Variants in SGCG observed in about 807,000 individuals in gnomAD.
SGCG encodes sarcoglycan gamma.
Under a neutral mutation model 29.3 loss-of-function variants are expected in SGCG, and 26 were observed. That is an observed-to-expected ratio of 0.89 (90% CI 0.65 to 1.23). The LOEUF (loss-of-function observed/expected upper bound fraction) is 1.23, where lower values mean the gene tolerates loss of function less well. Ranked by LOEUF, SGCG falls within the 50% of genes most tolerant of loss-of-function variation. SGCG has a pLI of 0.00. For missense variants in SGCG, 353 were observed against 356.0 expected, an observed-to-expected ratio of 0.99 and a Z score of 0.07; for synonymous variants, 145 against 129.7, an observed-to-expected ratio of 1.12 and a Z score of -0.80.
chr13:23,192,952 T>G (rs558553710), intron 1 of SGCG, among the ~76,000 whole-genome samples: 1 of 152,182 alleles, frequency 6.6e-6, no homozygotes, highest in Admixed American at 6.5e-5. Context: ...TTCCTGGAGG[T>G]GAGTCTAATG....
chr13:23,211,487 C>T (rs182461867), intron 2 of SGCG, among the ~76,000 whole-genome samples: 97 of 151,968 alleles, frequency 6.4e-4, no homozygotes, highest in Admixed American at 1.3e-3. Context: ...CTTGACCCCC[C>T]CTTTCACCAT....
chr13:23,245,672 A>C (rs1429531612), intron 3 of SGCG: 2 of 152,218 alleles, frequency 1.3e-5, no homozygotes, highest in South Asian at 4.1e-4. Context: ...CTCCGCCTTT[A>C]AATTTTCTGG....
At chr13:23,243,067 T>A (rs74038007) in intron 3 of SGCG, among the ~76,000 whole-genome samples, 1 of 152,326 alleles carries the variant, frequency 6.6e-6, no homozygotes, top group African/African-American at 2.4e-5. Flanking sequence ...AGAGGTTTCA[T>A]TATAGCAGTT....
At chr13:23,205,644 T>C (rs1877957145) in intron 2 of SGCG, among the ~76,000 whole-genome samples, 1 of 152,202 alleles carries the variant, frequency 6.6e-6, no homozygotes, top group African/African-American at 2.4e-5. Context: ...TGAGGTATTA[T>C]AAATTTGGAT....
At chr13:23,285,974 T>G (rs1283669224) in intron 5 of SGCG, among the ~76,000 whole-genome samples, 1 of 152,146 alleles carries the variant, frequency 6.6e-6, no homozygotes, top group Non-Finnish European at 1.5e-5. Context: ...ATGAGCCAGG[T>G]ACCTCAGTTG....
At chr13:23,204,756 A>C (rs1431547019) in intron 2 of SGCG, among the ~76,000 whole-genome samples, 1 of 129,460 alleles carries the variant, frequency 7.7e-6, no homozygotes, top group African/African-American at 3.1e-5. Flanking sequence ...CCCAGGCTGG[A>C]GTGCAGTGGT....
At chr13:23,276,624 G>C (rs1054361629) in intron 4 of SGCG, among the ~76,000 whole-genome samples, 5 of 152,036 alleles carry the variant, frequency 3.3e-5, no homozygotes, top group African/African-American at 1.2e-4. Context: ...GCAGAAACGG[G>C]GTTTCACCGT....
chr13:23,277,409 C>A (rs1407892154), intron 4 of SGCG, among the ~76,000 whole-genome samples: 3 of 133,730 alleles, frequency 2.2e-5, no homozygotes, highest in Admixed American at 1.5e-4. Context: ...TAAAGTGAAG[C>A]TTTTAAAAAA....
At chr13:23,286,521 T>C (rs1881502581) in intron 5 of SGCG, among the ~76,000 whole-genome samples, 1 of 152,234 alleles carries the variant, frequency 6.6e-6, no homozygotes. Flanking sequence ...TTGTTCCTCA[T>C]TATCTTCAGG....
intron 1 of SGCG, among the ~76,000 whole-genome samples, chr13:23,183,641 C>G (rs192974689): frequency 6.6e-6 from 1 of 151,954 alleles, no homozygotes; most frequent in Non-Finnish European, 1.5e-5. Flanking sequence ...TTGATTGTAA[C>G]GAAAACTTTA....
At chr13:23,307,471 T>C (rs79373762) in intron 6 of SGCG, among the ~76,000 whole-genome samples, 1 of 152,218 alleles carries the variant, frequency 6.6e-6, no homozygotes, top group South Asian at 2.1e-4. Context: ...AAGTACACTT[T>C]ACAGAAATAA....
intron 1 of SGCG, among the ~76,000 whole-genome samples, chr13:23,186,174 A>G (rs1327181790): frequency 6.6e-6 from 1 of 152,170 alleles, no homozygotes; most frequent in Non-Finnish European, 1.5e-5. Flanking sequence ...GGTGACCCTG[A>G]CATTCAACTC....
At chr13:23,214,795 G>C (rs772983708) in intron 2 of SGCG, among the ~76,000 whole-genome samples, 1 of 152,156 alleles carries the variant, frequency 6.6e-6, no homozygotes, top group Non-Finnish European at 1.5e-5. Context: ...TTTTTAACCA[G>C]TACCCTGGCA....
At position 23,299,450 on chromosome 13, in the gene SGCG, A is replaced by AT. The variant is rs1345857156; in HGVS notation, c.578+3964dup. On this transcript the variant is annotated intron_variant, in intron 6 of 7. Transcript: ENST00000218867. ...TATATATATATATATATATATATAT[A>AT]TATATATTTTTTTTTTTTTTTTAGT... Among the ~76,000 whole-genome samples the AT allele has an allele frequency of 3.7e-3, 138 of 37,594 alleles. 1 individual carries two copies. The highest frequency in any genetic ancestry group is 4.2e-3 in the Non-Finnish European group (77 of 18,342). The allele number at this position is 37,594 out of a possible 152,430, so 24.7% of individuals were successfully genotyped here. A position where few individuals can be genotyped will look rare whatever the true frequency, so the allele number is the denominator to read the frequency against.
chr13:23,203,309 A>C (rs1034946104), intron 1 of SGCG, among the ~76,000 whole-genome samples: 1 of 152,154 alleles, frequency 6.6e-6, no homozygotes, highest in African/African-American at 2.4e-5. Context: ...CCTCCCAATT[A>C]ACCTTTGTAG....
At chr13:23,229,256 C>T (rs1207455086) in intron 2 of SGCG, among the ~76,000 whole-genome samples, 1 of 152,102 alleles carries the variant, frequency 6.6e-6, no homozygotes, top group Non-Finnish European at 1.5e-5. Flanking sequence ...CTGCAATGAA[C>T]ACAACGCATG....
intron 4 of SGCG, among the ~76,000 whole-genome samples, chr13:23,255,034 G>A (rs1880125288): frequency 6.6e-6 from 1 of 152,216 alleles, no homozygotes; most frequent in African/African-American, 2.4e-5. Context: ...ACTAGAACAG[G>A]GCTGAGAGGA....
upstream of SGCG, among the ~76,000 whole-genome samples, chr13:23,178,906 G>A (rs557074454): frequency 1.2e-4 from 19 of 152,238 alleles, no homozygotes; most frequent in South Asian, 1.2e-3. Flanking sequence ...AAAGGTCAGC[G>A]CTAACTGATG....
intron 4 of SGCG, among the ~76,000 whole-genome samples, chr13:23,278,397 C>T (rs919445315): frequency 2.0e-5 from 3 of 150,470 alleles, no homozygotes; most frequent in Admixed American, 6.6e-5. Flanking sequence ...GAGCGGAGAT[C>T]GCACCATTGC....
Sources: allele counts gnomAD v4.1 joint callset (sites outside exome capture counted in the v4.1 genomes callset), GRCh38; gene constraint gnomAD v4.1.1; transcripts MANE v1.5; gene names NCBI Gene and HGNC (gene_info 2026-07-23, HGNC 2026-07-21).